The following ACVR1 variants were observed in gnomAD, a reference collection of about 807,000 sequenced individuals.
ACVR1 encodes the protein activin receptor type-1.
In ACVR1, 38 loss-of-function variants were observed where a neutral mutation model predicts 57.1. That is an observed-to-expected ratio of 0.67 (90% CI 0.51 to 0.87). The LOEUF (loss-of-function observed/expected upper bound fraction) is 0.87, where lower values mean the gene tolerates loss of function less well. Among genes scored for constraint, ACVR1 ranks in the 40% least tolerant of loss-of-function variants. ACVR1 has a pLI of 0.00. For synonymous variants in ACVR1, 212 were observed against 228.1 expected (o/e 0.93, Z 0.63); for missense variants, 463 against 638.2 (o/e 0.73, Z 2.96).
At chr2:157,744,725 T>C (rs1684899994) in intron 9 of ACVR1, among the ~76,000 whole-genome samples, 2 of 152,198 alleles carry the variant, frequency 1.3e-5, no homozygotes, top group Non-Finnish European at 2.9e-5. Flanking sequence ...TTACTTCACC[T>C]AACATACCTC....
intron 1 of ACVR1, among the ~76,000 whole-genome samples, chr2:157,861,751 C>G (rs1284187790): frequency 1.3e-5 from 2 of 152,142 alleles, no homozygotes; most frequent in Non-Finnish European, 2.9e-5. Flanking sequence ...AAATCACGGG[C>G]AATGCATCAT....
intron 9 of ACVR1, 44 bp downstream of exon 9, chr2:157,760,836 G>C (rs893086110): frequency 6.3e-7 from 1 of 1,588,588 alleles, no homozygotes; most frequent in African/African-American, 1.3e-5. Flanking sequence ...GCTGGATCAA[G>C]AGAACTTGGA....
At chr2:157,792,230 C>A (rs1247688010) in intron 3 of ACVR1, among the ~76,000 whole-genome samples, 1 of 152,064 alleles carries the variant, frequency 6.6e-6, no homozygotes, top group African/African-American at 2.4e-5. Flanking sequence ...ACTCTCCTCC[C>A]CACATCCCAT....
In ACVR1 at chr2:157,803,445, AC is replaced by A. The variant is rs1422182210; in HGVS notation, c.-7-3946del. 6.6e-5 allele frequency among the ~76,000 whole-genome samples: 10 copies of A among 152,038 alleles called. No homozygotes were observed. In the East Asian group the frequency reaches 1.7e-3, roughly 26 times the overall value. ...AGTAAACTCAGCTATTAAAAACAGC[AC>A]CCCCAAAAGGAAAGAAAAAAAGAAT... On this transcript the variant is annotated intron_variant, in intron 2 of 10. Transcript: ENST00000434821.
chr2:157,866,442 G>A (rs1689938572), intron 1 of ACVR1, among the ~76,000 whole-genome samples: 2 of 150,800 alleles, frequency 1.3e-5, no homozygotes, highest in Non-Finnish European at 2.9e-5. Flanking sequence ...AGCCAAGGGA[G>A]GCGGGGGGGA....
intron 2 of ACVR1, among the ~76,000 whole-genome samples, chr2:157,804,300 T>G (rs1687439802): frequency 6.6e-6 from 1 of 152,234 alleles, no homozygotes; most frequent in South Asian, 2.1e-4. Flanking sequence ...TCTACAGTTT[T>G]AGAAATTTCA....
chr2:157,824,822 C>T (rs1688283398), intron 1 of ACVR1, among the ~76,000 whole-genome samples: 1 of 152,024 alleles, frequency 6.6e-6, no homozygotes, highest in Non-Finnish European at 1.5e-5. Context: ...GGCACAATCT[C>T]CACTCACTGC....
At chr2:157,844,267 C>T (rs1689063063) in intron 1 of ACVR1, among the ~76,000 whole-genome samples, 1 of 152,128 alleles carries the variant, frequency 6.6e-6, no homozygotes, top group African/African-American at 2.4e-5. Context: ...GCCAAGAGCC[C>T]AGGTAAGACA....
At chr2:157,810,847 C>T (rs564959948) in intron 2 of ACVR1, among the ~76,000 whole-genome samples, 1 of 152,328 alleles carries the variant, frequency 6.6e-6, no homozygotes, top group East Asian at 1.9e-4. Context: ...ATCCAGTCTT[C>T]AGTCCACAGT....
At chr2:157,771,986 A>T (rs1475197378) in intron 6 of ACVR1, among the ~76,000 whole-genome samples, 1 of 152,190 alleles carries the variant, frequency 6.6e-6, no homozygotes, top group South Asian at 2.1e-4. Context: ...TCTGTTTTGT[A>T]TCTTTATTTT....
chr2:157,756,629 T>A (rs530303150), intron 9 of ACVR1, among the ~76,000 whole-genome samples: 1 of 151,952 alleles, frequency 6.6e-6, no homozygotes, highest in African/African-American at 2.4e-5. Flanking sequence ...TGCGCAAGAA[T>A]GGCCATAATC....
chr2:157,770,272 CA>C, intron 7 of ACVR1, 95 bp downstream of exon 7: 1 of 1,379,002 alleles, frequency 7.3e-7, no homozygotes. Context: ...TTTTAGGAGA[CA>C]CTCTCGAATT....
chr2:157,742,578 G>A (rs1258651346), intron 9 of ACVR1, among the ~76,000 whole-genome samples: 1 of 151,984 alleles, frequency 6.6e-6, no homozygotes, highest in Non-Finnish European at 1.5e-5. Flanking sequence ...TCTCTTTTTT[G>A]GGGTAAGCCT....
intron 9 of ACVR1, among the ~76,000 whole-genome samples, chr2:157,739,125 A>C (rs911575793): frequency 6.6e-6 from 1 of 152,258 alleles, no homozygotes; most frequent in Non-Finnish European, 1.5e-5. Context: ...GATGCAAATA[A>C]TATCATAGGA....
At chr2:157,839,399 T>C (rs1443269839) in intron 1 of ACVR1, among the ~76,000 whole-genome samples, 2 of 152,346 alleles carry the variant, frequency 1.3e-5, no homozygotes, top group East Asian at 1.9e-4. Context: ...ATACAGCTTA[T>C]GGTGCTGGCT....
intron 1 of ACVR1, among the ~76,000 whole-genome samples, chr2:157,852,828 G>A (rs1164581465): frequency 1.3e-5 from 2 of 152,038 alleles, no homozygotes; most frequent in Non-Finnish European, 2.9e-5. Context: ...GAGGGCTGTC[G>A]AACAGATTTA....
chr2:157,794,509 T>C (rs1687032846), intron 3 of ACVR1, among the ~76,000 whole-genome samples: 1 of 152,052 alleles, frequency 6.6e-6, no homozygotes, highest in African/African-American at 2.4e-5. Flanking sequence ...ATGTAGCTAA[T>C]TTAGGGCAAA....
At chr2:157,857,674 CCACATATAGACAAAGG>C (rs1485412989) in intron 1 of ACVR1, among the ~76,000 whole-genome samples, 3 of 152,118 alleles carry the variant, frequency 2.0e-5, no homozygotes, top group African/African-American at 7.2e-5. Flanking sequence ...GAAATGTGTA[CCACATATAGACAAAGG>C]CTGAATACTT....
At chr2:157,769,694 C>G (rs1686003124) in intron 7 of ACVR1, among the ~76,000 whole-genome samples, 1 of 152,154 alleles carries the variant, frequency 6.6e-6, no homozygotes, top group African/African-American at 2.4e-5. Context: ...ACTTTATATC[C>G]ACTATTGAAG....
Sources: gnomAD v4.1 joint callset for allele counts (sites outside exome capture counted in the v4.1 genomes callset) on GRCh38, gnomAD v4.1.1 for gene constraint, MANE v1.5 for transcripts, NCBI Gene and HGNC (gene_info 2026-07-23, HGNC 2026-07-21) for gene names.